The following BCR variants were observed in gnomAD, a reference collection of about 807,000 sequenced individuals.
The protein encoded by BCR is breakpoint cluster region protein.
BCR carries 58 observed loss-of-function variants against 138.6 expected under a neutral mutation model. That is an observed-to-expected ratio of 0.42 (90% confidence interval 0.34 to 0.52). The LOEUF is 0.52. BCR is among the 20% of genes least tolerant of loss of function. The pLI is 0.06. For synonymous variants in BCR, 786 were observed against 730.1 expected (o/e 1.08, Z -1.23); for missense variants, 1,599 against 1,727.2 (o/e 0.93, Z 1.32).
Position 23,290,332 on chromosome 22 carries a change from T to A in BCR, c.2708-7T>A. ...ACAGAAGCTGACCTCTTTGATCTCTTGCGCAGATGATGAGTCTCCGGGGCT... is the reference window on the plus strand; with the variant it reads ...ACAGAAGCTGACCTCTTTGATCTCTAGCGCAGATGATGAGTCTCCGGGGCT... On this transcript the variant is annotated splice_region_variant and splice_polypyrimidine_tract_variant and intron_variant, in intron 13 of 22. Coordinates refer to ENST00000305877, the MANE Select transcript of BCR (RefSeq NM_004327.4). 1 of 1,613,764 alleles carries A rather than the reference T, an allele frequency of 6.2e-7. No individual in the cohort carries two copies. Among genetic ancestry groups the A allele is most frequent in the Non-Finnish European group, 8.5e-7 (1 of 1,179,684 alleles).
chr22:23,181,634 A>G lies in BCR; in HGVS notation c.674A>G (p.Asp225Gly), dbSNP rs765003685. The G allele has an allele frequency of 6.2e-7, 1 of 1,610,614 alleles. No individual in the cohort carries two copies. The highest frequency in any genetic ancestry group is 8.5e-7 in the Non-Finnish European group (1 of 1,179,960). ...CACGGCGCGGGCTCGAGCGTGGGGG[A>G]TGCATCCAGGCCCCCTTACCGGGGA... ...SQHGAGSSVGDASRPPYRGRS... is the reference protein window; with the variant it reads ...SQHGAGSSVGGASRPPYRGRS... Residue 225 changes from aspartate (D) to glycine (G), a missense_variant, in exon 1 of 23, where the codon GAT becomes GGT. Physicochemically the swap from Asp to Gly is moderately conservative, Grantham distance 94. This residue lies in a region of BCR where 806 missense variants were observed against 635.0 expected (regional missense o/e 1.27). Transcript: ENST00000305877.
At chr22:23,285,259 G>C (rs1212119699) in intron 10 of BCR, 58 bp downstream of exon 10, 2 of 1,532,958 alleles carry the variant, frequency 1.3e-6, no homozygotes, top group Admixed American at 1.9e-5. Context: ...AGCAGCCCCC[G>C]CACACGGCCA....
At chr22:23,263,143 C>T in intron 4 of BCR, 1 of 723,950 alleles carries the variant, frequency 1.4e-6, no homozygotes, top group Non-Finnish European at 2.2e-6. Context: ...GCCATGGCGG[C>T]GGCAGCCAGG....
At position 23,261,062 on chromosome 22, in the gene BCR, G is replaced by A. The variant is rs1229942762; in HGVS notation, c.1566+8G>A. The A allele has an allele frequency of 1.9e-6, 3 of 1,612,460 alleles. No individual in the cohort carries two copies. Among genetic ancestry groups the A allele is most frequent in the East Asian group, 2.2e-5 (1 of 44,864 alleles). On this transcript the variant is annotated splice_region_variant and intron_variant, in intron 3 of 22. Transcript: ENST00000305877. Reference sequence around the variant, plus strand: ...CTGGAGGCACTGCTGCTGGTGAGGAGGATTTAGGGAGCTGAGCAGGGCGGG... The same window carrying A: ...CTGGAGGCACTGCTGCTGGTGAGGAAGATTTAGGGAGCTGAGCAGGGCGGG...
At chr22:23,289,862 A>AG in intron 13 of BCR, 1 of 565,840 alleles carries the variant, frequency 1.8e-6, no homozygotes. Flanking sequence ...TTCTGTTCCT[A>AG]GTCACAAGGC....
chr22:23,269,605 G>A (rs1195930203), intron 5 of BCR, among the ~76,000 whole-genome samples: 2 of 152,212 alleles, frequency 1.3e-5, no homozygotes, highest in Non-Finnish European at 2.9e-5. Context: ...TTCTTCCAGA[G>A]TCTGTGGGGC....
chr22:23,210,195 TGC>T (rs1314650702), intron 1 of BCR, among the ~76,000 whole-genome samples: 1 of 152,052 alleles, frequency 6.6e-6, no homozygotes, highest in Non-Finnish European at 1.5e-5. Flanking sequence ...GCAGGAGGAT[TGC>T]TTGAGCCCAG....
chr22:23,240,129 A>G (rs1422484775), intron 1 of BCR, among the ~76,000 whole-genome samples: 7 of 152,138 alleles, frequency 4.6e-5, no homozygotes, highest in Admixed American at 3.9e-4. Flanking sequence ...TAAAGGACAC[A>G]GTCACATTGG....
At chr22:23,209,307 C>T (rs1225546342) in intron 1 of BCR, among the ~76,000 whole-genome samples, 1 of 151,312 alleles carries the variant, frequency 6.6e-6, no homozygotes, top group Non-Finnish European at 1.5e-5. Context: ...TTGCAGTGAG[C>T]CGAGATCACG....
chr22:23,242,571 G>A (rs1012096832), intron 1 of BCR, among the ~76,000 whole-genome samples: 7 of 152,208 alleles, frequency 4.6e-5, no homozygotes, highest in Admixed American at 2.0e-4. Flanking sequence ...GAGTCAGCCT[G>A]AATCCCTCCA....
At chr22:23,299,008 GT>G (rs1461948299) in intron 16 of BCR, among the ~76,000 whole-genome samples, 4 of 151,868 alleles carry the variant, frequency 2.6e-5, no homozygotes, top group Non-Finnish European at 4.4e-5. Flanking sequence ...GCTGTTTTTT[GT>G]TTTTTGAGAC....
intron 2 of BCR, 138 bp from the exon 3 acceptor site, chr22:23,260,811 CT>C (rs2073347845): frequency 1.2e-6 from 1 of 807,572 alleles, no homozygotes; most frequent in Non-Finnish European, 2.1e-6. Flanking sequence ...CCCTGCCTCC[CT>C]TTAATTCCAT....
At position 23,315,657 on chromosome 22, in the gene BCR, C is replaced by T. The variant is rs2074063217; in HGVS notation, c.*135C>T. ...TGTTGGGCCATCTGCCAAGAGACAG[C>T]GACCCAAAGCCGAAGGACAGGTGGC... On this transcript the variant is annotated 3_prime_UTR_variant, in exon 23 of 23. Coordinates refer to ENST00000305877, the MANE Select transcript of BCR (RefSeq NM_004327.4). 8 of 838,340 alleles carry T rather than the reference C, an allele frequency of 9.5e-6. No homozygotes were observed. Among genetic ancestry groups the T allele is most frequent in the South Asian group, 1.4e-5 (1 of 69,914 alleles). 51.9% of individuals were successfully genotyped at this position (838,340 alleles called of 1,614,324 possible).
chr22:23,189,275 T>C (rs185005301), intron 1 of BCR, among the ~76,000 whole-genome samples: 1 of 152,206 alleles, frequency 6.6e-6, no homozygotes, highest in African/African-American at 2.4e-5. Context: ...TAGAACTTTT[T>C]CATCTTCCCA....
chr22:23,206,143 T>G (rs189271749), intron 1 of BCR, among the ~76,000 whole-genome samples: 126 of 152,308 alleles, frequency 8.3e-4, no homozygotes, highest in East Asian at 6.6e-3. Flanking sequence ...TCCTGCTGCT[T>G]CCCAGGGCTG....
chr22:23,309,472 G>T lies in BCR; in HGVS notation c.3061G>T (p.Ala1021Ser). The T allele has an allele frequency of 6.2e-7, 1 of 1,601,540 alleles. No individual in the cohort carries two copies. The highest frequency in any genetic ancestry group is 1.1e-5 in the South Asian group (1 of 88,922). Residue 1021 changes from alanine (A) to serine (S), a missense_variant, in exon 17 of 23, where the codon GCC becomes TCC. Around this residue, in one of 4 missense-constraint regions of BCR, gnomAD observed 590 missense variants for 762.4 expected, o/e 0.77. Transcript: ENST00000305877. ...CAGAGACTGGCAGCGCACCGTCATC[G>T]CCATGAATGGGGTACGTGTCCGTGG... ...QDRDWQRTVIAMNGIEVKLSV... is the reference protein window; with the variant it reads ...QDRDWQRTVISMNGIEVKLSV...
intron 1 of BCR, among the ~76,000 whole-genome samples, chr22:23,213,728 G>T (rs2072714838): frequency 6.6e-6 from 1 of 152,096 alleles, no homozygotes; most frequent in African/African-American, 2.4e-5. Context: ...TACTCAGGAG[G>T]CTGAGGCAGG....
intron 1 of BCR, chr22:23,199,490 G>C: frequency 2.6e-6 from 1 of 378,280 alleles, no homozygotes; most frequent in Non-Finnish European, 5.2e-6. Flanking sequence ...TCCTCAGGAA[G>C]CTTGAGGCTT....
intron 1 of BCR, among the ~76,000 whole-genome samples, chr22:23,234,682 C>T (rs975496813): frequency 4.1e-5 from 6 of 145,802 alleles, no homozygotes; most frequent in African/African-American, 1.2e-4. Flanking sequence ...AGGTGTGAGC[C>T]GAGGCCCAGA....
Sources: gnomAD v4.1 joint callset for allele counts (sites outside exome capture counted in the v4.1 genomes callset) on GRCh38, gnomAD v4.1.1 for gene constraint, gnomAD v4.1.1 regional missense constraint, MANE v1.5 for transcripts, NCBI Gene and HGNC (gene_info 2026-07-23, HGNC 2026-07-21) for gene names.